DEXI: variants seen among roughly 807,000 people sequenced by gnomAD.
DEXI encodes the protein Dexi homolog, also known as dexamethasone-induced protein.
In DEXI, 2 loss-of-function variants were observed where a neutral mutation model predicts 2.5. The ratio of observed to expected loss-of-function variants is 0.81; its 90% CI spans 0.33 to 2.55. The LOEUF (loss-of-function observed/expected upper bound fraction) is 2.55. DEXI is among the 30% of genes most tolerant of loss of function. The probability of loss-of-function intolerance (pLI) is 0.11; values close to 1 mark genes in which losing one functional copy is unlikely to be tolerated. For missense variants in DEXI, 108 were observed against 130.3 expected (o/e 0.83, Z 0.83); for synonymous variants, 71 against 68.7 (o/e 1.03, Z -0.17).
At position 10,929,284 on chromosome 16, in the gene DEXI, T is replaced by C; in HGVS notation, c.*425A>G. 1.0e-6 allele frequency: 1 copy of C among 985,842 alleles called. No homozygotes were observed. The allele number at this position is 985,842 out of a possible 1,614,324, so 61.1% of individuals were successfully genotyped here. On this transcript the variant is annotated 3_prime_UTR_variant, in exon 2 of 2. Transcript: ENST00000331808. The surrounding 1 kb of genome is among the most constrained non-coding windows in gnomAD (Gnocchi z 4.3). ...TGAAGTGTCCTCTCCGAAGGTGAAGTGGGGGAAGCAGGTGCGCTCCGGGAT... is the reference window on the plus strand; with the variant it reads ...TGAAGTGTCCTCTCCGAAGGTGAAGCGGGGGAAGCAGGTGCGCTCCGGGAT...
rs1309101794 is a variant in DEXI, at chr16:10,938,522, A to G, written c.*149+3047T>C. ...TGTGACCACATGAGAATGGCTGAGA[A>G]AGAGCAGGACTGACTACCGGCGTTC... On this transcript the variant is annotated intron_variant, in intron 1 of 1. Transcript: ENST00000331808. The surrounding 1 kb of genome is among the most constrained non-coding windows in gnomAD (Gnocchi z 4.9). 1 of 152,176 alleles carries G rather than the reference A, an allele frequency of 6.6e-6. No individual in the cohort carries two copies. The highest frequency in any genetic ancestry group is 2.4e-5 in the African/African-American group (1 of 41,434). 9.4% of individuals were successfully genotyped at this position (152,176 alleles called of 1,614,324 possible).
At position 10,941,708 on chromosome 16, in the gene DEXI, A is replaced by C; in HGVS notation, c.*10T>G. 1 of 1,598,152 alleles carries C rather than the reference A, an allele frequency of 6.3e-7. No individual in the cohort carries two copies. The highest frequency in any genetic ancestry group is 1.1e-5 in the South Asian group (1 of 88,808). On this transcript the variant is annotated 3_prime_UTR_variant, in exon 1 of 2. Transcript: ENST00000331808. This position sits in a 1 kb window ranked among gnomAD's most constrained non-coding sequence, Gnocchi z 6.4. ...ATCGTGTAGGGAAGAGGGGAACAGC[A>C]GTCGAGACCCTACTCCAAGTACGCA... is the stretch of plus-strand genomic sequence containing the variant.
Position 10,929,408 on chromosome 16 carries a change from G to C in DEXI, c.*301C>G. On this transcript the variant is annotated 3_prime_UTR_variant, in exon 2 of 2. Coordinates refer to ENST00000331808, the MANE Select transcript of DEXI (RefSeq NM_014015.4). The surrounding 1 kb of genome is among the most constrained non-coding windows in gnomAD (Gnocchi z 4.3). ...GCCAGGCCATCGATTTGACACTGCA[G>C]GCAGATGAGGTCTTGGGATGCCTCT... 1.0e-6 allele frequency: 1 copy of C among 985,876 alleles called. No individual in the cohort carries two copies. The highest frequency in any genetic ancestry group is 1.2e-6 in the Non-Finnish European group (1 of 829,950). The allele number at this position is 985,876 out of a possible 1,614,324, so 61.1% of individuals were successfully genotyped here.
In DEXI at chr16:10,941,624, T is replaced by G; in HGVS notation, c.*94A>C. On this transcript the variant is annotated 3_prime_UTR_variant, in exon 1 of 2. Transcript: ENST00000331808. This position sits in a 1 kb window ranked among gnomAD's most constrained non-coding sequence, Gnocchi z 6.4. Reference sequence around the variant, plus strand: ...TGGGGAACCATCCCCGTCCAGATGGTGCCCCCAACCAGCTGCGGCGGCATG... The same window carrying G: ...TGGGGAACCATCCCCGTCCAGATGGGGCCCCCAACCAGCTGCGGCGGCATG... 6.6e-7 allele frequency: 1 copy of G among 1,515,396 alleles called. No individual in the cohort carries two copies. Among genetic ancestry groups the G allele is most frequent in the East Asian group, 2.3e-5 (1 of 43,044 alleles). The allele number at this position is 1,515,396 out of a possible 1,614,324, so 93.9% of individuals were successfully genotyped here. A position where few individuals can be genotyped will look rare whatever the true frequency, so the allele number is the denominator to read the frequency against.
intron 1 of DEXI, chr16:10,935,371 T>C (rs973592349): frequency 2.0e-5 from 3 of 152,228 alleles, no homozygotes; most frequent in African/African-American, 7.2e-5. Context: ...CAGTTGTTAA[T>C]CTCTTTTTAA....
chr16:10,930,840 G>C (rs956221633), intron 1 of DEXI: 1 of 152,234 alleles, frequency 6.6e-6, no homozygotes, highest in Non-Finnish European at 1.5e-5. Context: ...TCCTCAGGCT[G>C]TAAGTGCAGG....
rs760001389 is a variant in DEXI at position 10,942,000 on chromosome 16, G to A, written c.6C>T (p.Leu2=). ...CCAGGTGGGCCGCGACCCGGGCGCC[G>A]AGCATGCAGCGGGTGGCAAGGGCGG... M[L]GARVAAHLDA... Residue 2 remains leucine, a synonymous_variant, in exon 1 of 2, where the codon CTC becomes CTT. Coordinates refer to ENST00000331808, the MANE Select transcript of DEXI (RefSeq NM_014015.4). This position sits in a 1 kb window ranked among gnomAD's most constrained non-coding sequence, Gnocchi z 6.4. 36 of 1,462,658 alleles carry A rather than the reference G, an allele frequency of 2.5e-5. No individual in the cohort carries two copies. In the Admixed American group the frequency reaches 7.4e-4, roughly 30 times the overall value. 90.6% of individuals were successfully genotyped at this position (1,462,658 alleles called of 1,614,324 possible).
In DEXI at chr16:10,929,418, G is replaced by A. The variant is rs975729394; in HGVS notation, c.*291C>T. On this transcript the variant is annotated 3_prime_UTR_variant, in exon 2 of 2. Coordinates refer to ENST00000331808, the MANE Select transcript of DEXI (RefSeq NM_014015.4). This position sits in a 1 kb window ranked among gnomAD's most constrained non-coding sequence, Gnocchi z 4.3. ...CGATTTGACACTGCAGGCAGATGAG[G>A]TCTTGGGATGCCTCTTGCGTTCCCC... The A allele has an allele frequency of 2.0e-6, 2 of 985,772 alleles. No homozygotes were observed. The highest frequency in any genetic ancestry group is 1.2e-6 in the Non-Finnish European group (1 of 829,968). 61.1% of individuals were successfully genotyped at this position (985,772 alleles called of 1,614,324 possible).
At position 10,937,657 on chromosome 16, in the gene DEXI, C is replaced by T. The variant is rs957371474; in HGVS notation, c.*149+3912G>A. 6.6e-6 allele frequency: 1 copy of T among 152,224 alleles called. No homozygotes were observed. The highest frequency in any genetic ancestry group is 2.4e-5 in the African/African-American group (1 of 41,448). The allele number at this position is 152,224 out of a possible 1,614,324, so 9.4% of individuals were successfully genotyped here. On this transcript the variant is annotated intron_variant, in intron 1 of 1. Coordinates refer to ENST00000331808, the MANE Select transcript of DEXI (RefSeq NM_014015.4). This position sits in a 1 kb window ranked among gnomAD's most constrained non-coding sequence, Gnocchi z 4.2. ...GGCAGGTACCAGCAGCTTTCACTTT[C>T]ATTAGGAACCGGGACGAATAATCCA...
chr16:10,941,924 T>A lies in DEXI; in HGVS notation c.82A>T (p.Met28Leu). The A allele has an allele frequency of 1.2e-6, 2 of 1,601,522 alleles. No individual in the cohort carries two copies. Among genetic ancestry groups the A allele is most frequent in the Non-Finnish European group, 1.7e-6 (2 of 1,175,092 alleles). Residue 28 changes from methionine to leucine, a missense_variant, in exon 1 of 2, where the codon ATG becomes TTG. Physicochemically the swap from Met to Leu is conservative, Grantham distance 15. Transcript: ENST00000331808. The surrounding 1 kb of genome is among the most constrained non-coding windows in gnomAD (Gnocchi z 6.4). ...PYVPPPLLPSMFYVGLFFVNV... is the reference protein window; with the variant it reads ...PYVPPPLLPSLFYVGLFFVNV... Reference sequence around the variant, plus strand: ...ACGAAGAACAGGCCCACGTAGAACATAGAGGGCAGCAGCGGCGGCGGCACG... The same window carrying A: ...ACGAAGAACAGGCCCACGTAGAACAAAGAGGGCAGCAGCGGCGGCGGCACG...
At position 10,941,809 on chromosome 16, in the gene DEXI, G is replaced by C. The variant is rs761510424; in HGVS notation, c.197C>G (p.Ala66Gly). The change falls in exon 1 of 2, where the codon GCG becomes GGG. Residue 66 changes from alanine to glycine, a missense_variant. By Grantham distance (60) the Ala-to-Gly change is moderately conservative (BLOSUM62 0). Coordinates refer to ENST00000331808, the MANE Select transcript of DEXI (RefSeq NM_014015.4). The surrounding 1 kb of genome is among the most constrained non-coding windows in gnomAD (Gnocchi z 6.4). ...GGAGAGCACGCCGAGGTCCACGAGC[G>C]CCTGGTCCATGTCCTCGGGCAGGAA... The part of the protein sequence containing the change: ...LVFLPEDMDQ[A>G]LVDLGVLSDP... 6.2e-7 allele frequency: 1 copy of C among 1,613,636 alleles called. No individual in the cohort carries two copies. Among genetic ancestry groups the C allele is most frequent in the Admixed American group, 1.7e-5 (1 of 60,024 alleles).
At position 10,941,936 on chromosome 16, in the gene DEXI, G is replaced by A; in HGVS notation, c.70C>T (p.Leu24=). Residue 24 remains leucine, a synonymous_variant, in exon 1 of 2, where the codon CTG becomes TTG. Transcript: ENST00000331808. The surrounding 1 kb of genome is among the most constrained non-coding windows in gnomAD (Gnocchi z 6.4). ...CCCACGTAGAACATAGAGGGCAGCA[G>A]CGGCGGCGGCACGTAGGGGACCAGG... The part of the protein sequence containing the change: ...GPLVPYVPPP[L]LPSMFYVGLF... The A allele has an allele frequency of 6.3e-7, 1 of 1,587,744 alleles. No homozygotes were observed. The highest frequency in any genetic ancestry group is 1.3e-5 in the African/African-American group (1 of 74,606).
rs928048425 is a variant in DEXI at position 10,938,808 on chromosome 16, G to T, written c.*149+2761C>A. ...CCGAGAGCTTTGCAAGGGTGTCCCTGAGAGATATTTCCTGGTGTTTCTGCT... is the reference window on the plus strand; with the variant it reads ...CCGAGAGCTTTGCAAGGGTGTCCCTTAGAGATATTTCCTGGTGTTTCTGCT... On this transcript the variant is annotated intron_variant, in intron 1 of 1. Transcript: ENST00000331808. This position sits in a 1 kb window ranked among gnomAD's most constrained non-coding sequence, Gnocchi z 4.9. 2 of 152,222 alleles carry T rather than the reference G, an allele frequency of 1.3e-5. No homozygotes were observed. The highest frequency in any genetic ancestry group is 4.8e-5 in the African/African-American group (2 of 41,454). 9.4% of individuals were successfully genotyped at this position (152,222 alleles called of 1,614,324 possible).
rs2041079295 is a variant in DEXI, at chr16:10,939,991, G to A, written c.*149+1578C>T. On this transcript the variant is annotated intron_variant, in intron 1 of 1. Transcript: ENST00000331808. The surrounding 1 kb of genome is among the most constrained non-coding windows in gnomAD (Gnocchi z 4.9). Reference sequence around the variant, plus strand: ...ATGGCAGGCAGGCAGGCAGGCTGGGGAGGTGTGCAGAGCACCTGGCACACA... The same window carrying A: ...ATGGCAGGCAGGCAGGCAGGCTGGGAAGGTGTGCAGAGCACCTGGCACACA... 6.6e-6 allele frequency: 1 copy of A among 152,392 alleles called. No homozygotes were observed. Among genetic ancestry groups the A allele is most frequent in the African/African-American group, 2.4e-5 (1 of 41,468 alleles). 9.4% of individuals were successfully genotyped at this position (152,392 alleles called of 1,614,324 possible).
At chr16:10,935,988 A>G (rs1417506133) in intron 1 of DEXI, 1 of 145,872 alleles carries the variant, frequency 6.9e-6, no homozygotes, top group Non-Finnish European at 1.5e-5. Flanking sequence ...TACTGGGACA[A>G]TTTTTTTTTT....
At chr16:10,932,290 A>G (rs970725416) in intron 1 of DEXI, 2 of 152,270 alleles carry the variant, frequency 1.3e-5, no homozygotes, top group African/African-American at 4.8e-5. Context: ...CACTTGTGTT[A>G]TGAAGCATTT....
intron 1 of DEXI, chr16:10,936,616 G>A (rs149340908): frequency 6.6e-6 from 1 of 152,306 alleles, no homozygotes; most frequent in African/African-American, 2.4e-5. Context: ...TTGTTTGTTT[G>A]TTTGTTTTTA....
In DEXI at chr16:10,938,102, T is replaced by A. The variant is rs1272331474; in HGVS notation, c.*149+3467A>T. ...CGACTATGAATATGAGTGGTTAATA[T>A]TAATACATCTCTTACTATATACAAG... On this transcript the variant is annotated intron_variant, in intron 1 of 1. Transcript: ENST00000331808. The surrounding 1 kb of genome is among the most constrained non-coding windows in gnomAD (Gnocchi z 4.9). The A allele has an allele frequency of 6.6e-6, 1 of 151,926 alleles. No individual in the cohort carries two copies. Among genetic ancestry groups the A allele is most frequent in the Non-Finnish European group, 1.5e-5 (1 of 68,056 alleles). The allele number at this position is 151,926 out of a possible 1,614,324, so 9.4% of individuals were successfully genotyped here.
Position 10,940,169 on chromosome 16 carries a change from C to A in DEXI, c.*149+1400G>T, listed in dbSNP as rs140140335. The A allele has an allele frequency of 1.3e-5, 2 of 152,284 alleles. No individual in the cohort carries two copies. Among genetic ancestry groups the A allele is most frequent in the Non-Finnish European group, 2.9e-5 (2 of 68,072 alleles). 9.4% of individuals were successfully genotyped at this position (152,284 alleles called of 1,614,324 possible). ...CCCCACCCTGTACCACCATCTGCAA[C>A]AGACTCAATGTTTGTGTCTCCTCAA... On this transcript the variant is annotated intron_variant, in intron 1 of 1. Transcript: ENST00000331808. The surrounding 1 kb of genome is among the most constrained non-coding windows in gnomAD (Gnocchi z 4.2).
Sources: gnomAD v4.1 joint callset for allele counts on GRCh38, gnomAD v4.1.1 for gene constraint, Gnocchi (gnomAD v3.1) non-coding constraint, MANE v1.5 for transcripts, NCBI Gene and HGNC (gene_info 2026-07-23, HGNC 2026-07-21) for gene names.